Variants in ERI1 observed in about 807,000 individuals in gnomAD.
ERI1 encodes the protein 3'-5' exoribonuclease 1.
ERI1 carries 39 observed loss-of-function variants against 39.7 expected under a neutral mutation model. The ratio of observed to expected loss-of-function variants is 0.98; its 90% confidence interval spans 0.76 to 1.28. The LOEUF (loss-of-function observed/expected upper bound fraction) is 1.28. Among genes scored for constraint, ERI1 ranks in the 50% most tolerant of loss-of-function variants. The probability of loss-of-function intolerance (pLI) is 0.00; values close to 1 mark genes in which losing one functional copy is unlikely to be tolerated. For synonymous variants in ERI1, 204 were observed against 149.6 expected (o/e 1.36, Z -2.65); for missense variants, 581 against 416.9 (o/e 1.39, Z -3.43).
At chr8:9,092,733 G>T (rs540969108) in intron 3 of ERI1, among the ~76,000 whole-genome samples, 29 of 152,298 alleles carry the variant, frequency 1.9e-4, no homozygotes, top group African/African-American at 7.0e-4. Context: ...TTGAGACCAG[G>T]GATTTATATT....
chr8:9,018,420 A>G lies in ERI1; in HGVS notation c.692+14A>G, dbSNP rs775978527. The G allele has an allele frequency of 1.1e-5, 16 of 1,408,352 alleles. No homozygotes were observed. The highest frequency in any genetic ancestry group is 1.5e-5 in the Non-Finnish European group (15 of 1,007,414). The allele number at this position is 1,408,352 out of a possible 1,614,324, so 87.2% of individuals were successfully genotyped here. A position where few individuals can be genotyped will look rare whatever the true frequency, so the allele number is the denominator to read the frequency against. On this transcript the variant is annotated intron_variant, in intron 5 of 6. Transcript: ENST00000250263. ...TTTAACAGATGGGTAAGTATTTAGG[A>G]AGATTATTTTTTTATATCTACTTTT...
intron 3 of ERI1, among the ~76,000 whole-genome samples, chr8:9,095,984 C>A (rs529831579): frequency 6.6e-6 from 1 of 152,110 alleles, no homozygotes; most frequent in South Asian, 2.1e-4. Context: ...ATAATAATCC[C>A]CCTTGCGTCA....
At chr8:9,059,939 A>T (rs1274956663) in intron 3 of ERI1, among the ~76,000 whole-genome samples, 2 of 152,190 alleles carry the variant, frequency 1.3e-5, no homozygotes, top group Non-Finnish European at 2.9e-5. Context: ...GGGGCTTAAT[A>T]AAAAGGAGCG....
At chr8:9,091,517 A>AG (rs1285870106) in intron 3 of ERI1, 1 of 152,082 alleles carries the variant, frequency 6.6e-6, no homozygotes, top group East Asian at 1.9e-4. Flanking sequence ...CAAAAAAAAA[A>AG]AAAGAGTTCT....
intron 3 of ERI1, among the ~76,000 whole-genome samples, chr8:9,083,029 A>G (rs367987252): frequency 6.6e-6 from 1 of 152,232 alleles, no homozygotes; most frequent in East Asian, 1.9e-4. Flanking sequence ...TGCATGGGAC[A>G]TAAGTATACT....
At chr8:9,037,991 TG>T (rs1797905786), downstream of ERI1, among the ~76,000 whole-genome samples, 1 of 152,174 alleles carries the variant, frequency 6.6e-6, no homozygotes, top group South Asian at 2.1e-4. Context: ...CAAACTTTTT[TG>T]CACAAGTACT....
At chr8:9,083,642 A>AC (rs1200638438) in intron 3 of ERI1, among the ~76,000 whole-genome samples, 1 of 151,514 alleles carries the variant, frequency 6.6e-6, no homozygotes, top group Non-Finnish European at 1.5e-5. Context: ...ATGTTAAAAA[A>AC]AAAAAGCGGG....
chr8:9,071,704 T>C (rs1033247142), intron 3 of ERI1, among the ~76,000 whole-genome samples: 8 of 152,194 alleles, frequency 5.3e-5, no homozygotes, highest in African/African-American at 7.2e-5. Context: ...GTTCAAACTG[T>C]AGCACCTTCA....
At chr8:9,095,252 G>A (rs2117489094) in intron 3 of ERI1, among the ~76,000 whole-genome samples, 1 of 152,288 alleles carries the variant, frequency 6.6e-6, no homozygotes, top group Non-Finnish European at 1.5e-5. Flanking sequence ...GGTGTATTGG[G>A]TGATGCTGGG....
At chr8:9,003,308 C>T in intron 1 of ERI1, 137 bp downstream of exon 1, 1 of 469,542 alleles carries the variant, frequency 2.1e-6, no homozygotes, top group Non-Finnish European at 3.4e-6. Flanking sequence ...CCTCGGTGCC[C>T]AGCTCCCTGG....
intron 3 of ERI1, among the ~76,000 whole-genome samples, chr8:9,069,480 A>G (rs555746906): frequency 2.0e-4 from 31 of 152,338 alleles, no homozygotes; most frequent in African/African-American, 5.5e-4. Flanking sequence ...AGGGGACTGT[A>G]TCACCCTCTC....
intron 3 of ERI1, among the ~76,000 whole-genome samples, chr8:9,094,623 C>G (rs933811518): frequency 2.6e-5 from 4 of 152,196 alleles, no homozygotes; most frequent in African/African-American, 9.7e-5. Context: ...TCTCTCTTCT[C>G]TGTGTGCTAG....
intron 3 of ERI1, among the ~76,000 whole-genome samples, chr8:9,055,021 T>C (rs972010212): frequency 1.3e-5 from 2 of 152,250 alleles, no homozygotes; most frequent in Non-Finnish European, 2.9e-5. Context: ...AAACTTCAGC[T>C]GAATTACATT....
chr8:9,005,223 A>G (rs1021799151), intron 1 of ERI1, among the ~76,000 whole-genome samples: 1 of 152,154 alleles, frequency 6.6e-6, no homozygotes, highest in Non-Finnish European at 1.5e-5. Context: ...TTCTTTTTTT[A>G]AAAGGTAGTA....
At chr8:9,007,932 ATCCTTTT>A in intron 1 of ERI1, 31 bp from the exon 2 acceptor site, 1 of 1,529,404 alleles carries the variant, frequency 6.5e-7, no homozygotes, top group Admixed American at 2.4e-5. Flanking sequence ...TATAAACTAC[ATCCTTTT>A]TTTTTTTTTT....
intron 3 of ERI1, among the ~76,000 whole-genome samples, chr8:9,062,110 C>T (rs113497185): frequency 6.6e-6 from 1 of 152,220 alleles, no homozygotes; most frequent in African/African-American, 2.4e-5. Context: ...AGTTTATAGG[C>T]TTTAAAAGGC....
intron 2 of ERI1, 120 bp downstream of exon 2, chr8:9,008,268 C>A: frequency 2.2e-6 from 2 of 896,838 alleles, no homozygotes; most frequent in Non-Finnish European, 3.2e-6. Flanking sequence ...ATCCTATTAA[C>A]AGTTCACAAA....
At chr8:9,038,434 C>A (rs915327980) in intron 3 of ERI1, among the ~76,000 whole-genome samples, 1 of 152,206 alleles carries the variant, frequency 6.6e-6, no homozygotes, top group Admixed American at 6.5e-5. Flanking sequence ...ATCATACTAT[C>A]ATACATCTTT....
At chr8:9,089,718 G>A (rs930236351) in intron 3 of ERI1, among the ~76,000 whole-genome samples, 7 of 152,144 alleles carry the variant, frequency 4.6e-5, no homozygotes, top group Admixed American at 3.9e-4. Context: ...ACAAAATGAC[G>A]AGGTTTGTGT....
Sources: allele counts gnomAD v4.1 joint callset (sites outside exome capture counted in the v4.1 genomes callset), GRCh38; gene constraint gnomAD v4.1.1; transcripts MANE v1.5; gene names NCBI Gene and HGNC (gene_info 2026-07-23, HGNC 2026-07-21).